NCR1: variants seen among roughly 807,000 people sequenced by gnomAD.
NCR1 encodes the protein natural cytotoxicity triggering receptor 1, also known as NK cell-activating receptor.
A neutral mutation model predicts 32.5 loss-of-function variants in NCR1; 30 were observed. That is an observed-to-expected ratio of 0.92 (90% CI 0.69 to 1.25). The LOEUF is 1.25. Ranked by LOEUF, NCR1 falls within the 50% of genes most tolerant of loss-of-function variation. The pLI, the probability that NCR1 is intolerant of heterozygous loss-of-function variation, is 0.00. For synonymous variants in NCR1, 169 were observed against 143.4 expected (o/e 1.18, Z -1.28); for missense variants, 369 against 380.7 (o/e 0.97, Z 0.26).
At chr19:54,902,753 G>C (rs2067322591), upstream of NCR1, among the ~76,000 whole-genome samples, 1 of 152,102 alleles carries the variant, frequency 6.6e-6, no homozygotes, top group African/African-American at 2.4e-5. Flanking sequence ...CGCTCCGTAG[G>C]GGGAAGGATA....
At chr19:54,923,542 T>G in the NCR1 span, 4 of 649,904 alleles carry the variant, frequency 6.2e-6, no homozygotes, top group East Asian at 2.7e-5. Flanking sequence ...ATTATCCCTG[T>G]GAGAAAGTAC....
chr19:54,923,442 T>A, the NCR1 span: 3 of 472,108 alleles, frequency 6.4e-6, no homozygotes, highest in South Asian at 6.4e-5. Flanking sequence ...CAATACTTCC[T>A]CCTAGACAAA....
chr19:54,913,813 A>T (rs141296154), downstream of NCR1, among the ~76,000 whole-genome samples: 1,826 of 152,128 alleles, frequency 0.012, 71 homozygotes, highest in East Asian at 0.087. Context: ...CATGCCTGTA[A>T]TCCCAGCACT....
At chr19:54,928,192 C>A in the NCR1 span, among the ~76,000 whole-genome samples, 3 of 152,130 alleles carry the variant, frequency 2.0e-5, no homozygotes. Flanking sequence ...TGCACTCCAG[C>A]CTGGGCAATA....
the NCR1 span, chr19:54,930,752 C>A: frequency 9.2e-7 from 1 of 1,090,600 alleles, no homozygotes; most frequent in East Asian, 2.4e-5. Context: ...ATATACCTTC[C>A]ACTTATATAC....
chr19:54,938,118 G>A, the NCR1 span: 1 of 1,614,072 alleles, frequency 6.2e-7, no homozygotes, highest in Non-Finnish European at 8.5e-7. Context: ...CACTCAGGAA[G>A]CTTTGTTTCA....
chr19:54,910,297 C>A (rs924022335), intron 5 of NCR1, among the ~76,000 whole-genome samples: 1 of 152,140 alleles, frequency 6.6e-6, no homozygotes. Flanking sequence ...TTAGGCTGGG[C>A]ATCATGGCTC....
chr19:54,909,180 A>G, intron 3 of NCR1, 65 bp from the exon 4 acceptor site: 1 of 1,487,066 alleles, frequency 6.7e-7, no homozygotes, highest in Non-Finnish European at 9.1e-7. Flanking sequence ...TAAAGAAAGA[A>G]AAAAAAAAAT....
chr19:54,912,564 A>C (rs2068024711), intron 6 of NCR1, 126 bp from the exon 7 acceptor site: 1 of 761,134 alleles, frequency 1.3e-6, no homozygotes, highest in African/African-American at 2.0e-5. Context: ...GTGCCATTGC[A>C]CTCCAGCCTG....
the NCR1 span, chr19:54,923,431 G>A: frequency 4.5e-6 from 2 of 446,280 alleles, no homozygotes; most frequent in Non-Finnish European, 8.3e-6. Flanking sequence ...GAACTTCTTA[G>A]CAATACTTCC....
the NCR1 span, chr19:54,934,407 G>GC: frequency 0.11 from 156,832 of 1,403,366 alleles, 10,420 homozygotes; most frequent in Non-Finnish European, 0.13. This position sits in a 1 kb window ranked among gnomAD's most constrained non-coding sequence, Gnocchi z 6.7. Context: ...CCACGTGGGT[G>GC]GCGCAGTAAG....
chr19:54,905,090 C>CTA (rs1182847815), upstream of NCR1, among the ~76,000 whole-genome samples: 1 of 152,164 alleles, frequency 6.6e-6, no homozygotes, highest in African/African-American at 2.4e-5. Flanking sequence ...TTTCCTTTGG[C>CTA]TATATACCCA....
chr19:54,917,513 G>A (rs757790229), downstream of NCR1, among the ~76,000 whole-genome samples: 12 of 151,920 alleles, frequency 7.9e-5, no homozygotes, highest in African/African-American at 1.2e-4. Context: ...GGAGATGGGG[G>A]TTTTACCATG....
chr19:54,906,629 G>C lies in NCR1; in HGVS notation c.177G>C (p.Gln59His), dbSNP rs35676942. Residue 59 changes from glutamine (Q) to histidine (H), a missense_variant, in exon 3 of 7, where the codon CAG (glutamine) becomes CAC (histidine). Physicochemically the swap from Gln to His is conservative, Grantham distance 24. Transcript: ENST00000291890. ...CQGNYGAVEY[Q>H]LHFEGSLFAV... ...GAAATTATGGGGCTGTTGAATACCAGCTGCACTTTGAAGGAAGCCTTTTTG... is the reference window on the plus strand; with the variant it reads ...GAAATTATGGGGCTGTTGAATACCACCTGCACTTTGAAGGAAGCCTTTTTG... 19 of 1,614,102 alleles carry C rather than the reference G, an allele frequency of 1.2e-5. No homozygotes were observed. The highest frequency in any genetic ancestry group is 1.4e-5 in the Non-Finnish European group (17 of 1,180,054).
Position 54,912,860 on chromosome 19 carries a change from C to T in NCR1, c.904C>T (p.Gln302Ter). The change falls in exon 7 of 7, where the codon CAG becomes TAG. Residue 302 changes from glutamine (Q) to a stop codon, truncating the protein, a stop_gained. Coordinates refer to ENST00000291890, the MANE Select transcript of NCR1 (RefSeq NM_004829.7). LOFTEE classifies it high-confidence loss of function. ...TWEGRRRLNT[Q>*]TL ...GGAAGGCAGGAGAAGGCTGAACACA[C>T]AGACTCTTTGAAGAATGACCATGAG... is the stretch of plus-strand genomic sequence containing the variant. 1 of 1,613,352 alleles carries T rather than the reference C, an allele frequency of 6.2e-7. No individual in the cohort carries two copies.
At chr19:54,936,356 G>A in the NCR1 span, 1 of 1,614,012 alleles carries the variant, frequency 6.2e-7, no homozygotes, top group Non-Finnish European at 8.5e-7. Flanking sequence ...CCAGGGTCAG[G>A]TGCGTGAGGG....
downstream of NCR1, among the ~76,000 whole-genome samples, chr19:54,916,467 T>C (rs137885784): frequency 4.8e-4 from 71 of 149,088 alleles, no homozygotes; most frequent in Middle Eastern, 0.011. Flanking sequence ...TACAAGTGCG[T>C]GCCACCACGC....
chr19:54,934,485 T>A, the NCR1 span: 1 of 1,613,984 alleles, frequency 6.2e-7, no homozygotes, highest in Non-Finnish European at 8.5e-7. This position sits in a 1 kb window ranked among gnomAD's most constrained non-coding sequence, Gnocchi z 6.7. Context: ...AAGAGGAGAC[T>A]TACGACAACA....
chr19:54,909,504 A>G lies in NCR1; in HGVS notation c.615A>G (p.Pro205=), dbSNP rs765384338. Residue 205 remains proline (P), a synonymous_variant, in exon 4 of 7, where the codon CCA becomes CCG. Coordinates refer to ENST00000291890, the MANE Select transcript of NCR1 (RefSeq NM_004829.7). The part of the protein sequence containing the change: ...NNHAWSFPSE[P]VKLLVTGDIE... The stretch of plus-strand genomic sequence containing the variant: ...ATGCCTGGTCTTTCCCCAGTGAGCC[A>G]GTGAAGCTCCTGGTCACAGGTGAGG... 77 of 1,606,008 alleles carry G rather than the reference A, an allele frequency of 4.8e-5. No homozygotes were observed. The highest frequency in any genetic ancestry group is 6.4e-5 in the Non-Finnish European group (75 of 1,179,624).
Sources: allele counts gnomAD v4.1 joint callset (sites outside exome capture counted in the v4.1 genomes callset), GRCh38; gene constraint gnomAD v4.1.1; non-coding constraint Gnocchi (gnomAD v3.1); transcripts MANE v1.5; gene names NCBI Gene and HGNC (gene_info 2026-07-23, HGNC 2026-07-21).